The following CEP63 variants were observed in gnomAD, a reference collection of about 807,000 sequenced individuals.
CEP63 encodes the protein centrosomal protein of 63 kDa.
In CEP63, 84 loss-of-function variants were observed where a neutral mutation model predicts 89.1. The ratio of observed to expected loss-of-function variants is 0.94; its 90% confidence interval spans 0.79 to 1.13. The LOEUF (loss-of-function observed/expected upper bound fraction) is 1.13, where lower values mean the gene tolerates loss of function less well. Ranked by LOEUF, CEP63 falls within the 50% of genes most tolerant of loss-of-function variation. CEP63 has a pLI of 0.00. For synonymous variants in CEP63, 267 were observed against 272.5 expected, an observed-to-expected ratio of 0.98 and a Z score of 0.20; for missense variants, 838 against 813.3, an observed-to-expected ratio of 1.03 and a Z score of -0.37.
chr3:134,714,984 A>C, the CEP63 span, among the ~76,000 whole-genome samples: 1 of 152,210 alleles, frequency 6.6e-6, no homozygotes, highest in African/African-American at 2.4e-5. Context: ...TCCCAAACCC[A>C]GCTAGGGAGG....
chr3:134,645,407 T>G, the CEP63 span, among the ~76,000 whole-genome samples: 2 of 152,216 alleles, frequency 1.3e-5, no homozygotes, highest in South Asian at 4.1e-4. Context: ...CACCAGCACA[T>G]GCCATCAGCC....
chr3:134,646,566 G>T, the CEP63 span, among the ~76,000 whole-genome samples: 8 of 152,182 alleles, frequency 5.3e-5, no homozygotes, highest in Non-Finnish European at 8.8e-5. Flanking sequence ...ATGAGTGAAT[G>T]AATTCACTTT....
At chr3:134,696,834 C>A in the CEP63 span, among the ~76,000 whole-genome samples, 1 of 152,158 alleles carries the variant, frequency 6.6e-6, no homozygotes, top group Non-Finnish European at 1.5e-5. Flanking sequence ...ATGTGACATA[C>A]TTTATGTGTC....
chr3:134,647,873 G>A, the CEP63 span, among the ~76,000 whole-genome samples: 1 of 152,300 alleles, frequency 6.6e-6, no homozygotes, highest in Non-Finnish European at 1.5e-5. Context: ...CCCACTTTTA[G>A]AGTCTTGATA....
the CEP63 span, among the ~76,000 whole-genome samples, chr3:134,772,795 G>A: frequency 2.0e-5 from 3 of 152,154 alleles, no homozygotes; most frequent in Non-Finnish European, 4.4e-5. Context: ...CTGCTCCCAA[G>A]AGGAAGCAGA....
At chr3:134,722,817 TC>T in the CEP63 span, among the ~76,000 whole-genome samples, 1 of 152,194 alleles carries the variant, frequency 6.6e-6, no homozygotes, top group Non-Finnish European at 1.5e-5. Flanking sequence ...GATATTGTTA[TC>T]AGGGCACTAG....
intron 5 of CEP63, chr3:134,536,713 G>A (rs1429916327): frequency 4.1e-6 from 1 of 241,564 alleles, no homozygotes; most frequent in African/African-American, 2.3e-5. Context: ...GGTTACCAAG[G>A]GACTTATCTG....
At chr3:134,683,443 G>A in the CEP63 span, among the ~76,000 whole-genome samples, 1 of 152,038 alleles carries the variant, frequency 6.6e-6, no homozygotes, top group African/African-American at 2.4e-5. Flanking sequence ...AGCATGATTT[G>A]GTGTACATTA....
At chr3:134,693,851 C>T in the CEP63 span, among the ~76,000 whole-genome samples, 1 of 152,160 alleles carries the variant, frequency 6.6e-6, no homozygotes, top group Admixed American at 6.5e-5. Flanking sequence ...GACCGATTAC[C>T]GGGGGCCTGG....
At chr3:134,749,828 A>AGTTGAGT in the CEP63 span, among the ~76,000 whole-genome samples, 6 of 150,964 alleles carry the variant, frequency 4.0e-5, no homozygotes, top group African/African-American at 1.2e-4. Flanking sequence ...AGGCTAGGAG[A>AGTTGAGT]GTTGAGCAGA....
At chr3:134,689,396 A>C in the CEP63 span, among the ~76,000 whole-genome samples, 3 of 152,130 alleles carry the variant, frequency 2.0e-5, no homozygotes, top group African/African-American at 7.2e-5. Context: ...GAGTCCAAAA[A>C]CAGAGCTTCA....
At chr3:134,489,471 G>A (rs1274941808) in intron 1 of CEP63, among the ~76,000 whole-genome samples, 2 of 151,912 alleles carry the variant, frequency 1.3e-5, no homozygotes, top group African/African-American at 4.8e-5. Flanking sequence ...CTTTTTTTAT[G>A]ATGTTAACAT....
chr3:134,559,340 T>C lies in CEP63; in HGVS notation c.1864T>C (p.Ser622Pro). The change falls in exon 14 of 15, where the codon TCT becomes CCT. Residue 622 changes from serine to proline, a missense_variant. Physicochemically the swap from Ser to Pro is moderately conservative, Grantham distance 74. Transcript: ENST00000675561. ...LTSYSLCKTH[S>P]LPSALDTNEA... ...TTCCTACTCTCTATGTAAAACTCATTCTTTGCCTTCAGCGCTAGATACAAA... is the reference window on the plus strand; with the variant it reads ...TTCCTACTCTCTATGTAAAACTCATCCTTTGCCTTCAGCGCTAGATACAAA... The C allele has an allele frequency of 6.2e-7, 1 of 1,614,182 alleles. No individual in the cohort carries two copies. Among genetic ancestry groups the C allele is most frequent in the South Asian group, 1.1e-5 (1 of 91,086 alleles).
the CEP63 span, among the ~76,000 whole-genome samples, chr3:134,668,663 C>T: frequency 1.3e-5 from 2 of 152,314 alleles, no homozygotes; most frequent in South Asian, 2.1e-4. Context: ...GTGTCCAGTT[C>T]ACCCTCATGA....
chr3:134,625,247 T>C, the CEP63 span: 4 of 804,788 alleles, frequency 5.0e-6, no homozygotes, highest in East Asian at 1.1e-4. Context: ...TTAACACAAT[T>C]CTCAAAGCCT....
At position 134,519,425 on chromosome 3, in the gene CEP63, C is replaced by T. The variant is rs144652393; in HGVS notation, c.222+12139C>T. ...CTGGGATTACAGGCGTGAGCCACCACGCCCGGCTGAATTGAATTTGTTATT... is the reference window on the plus strand; with the variant it reads ...CTGGGATTACAGGCGTGAGCCACCATGCCCGGCTGAATTGAATTTGTTATT... On this transcript the variant is annotated intron_variant, in intron 3 of 14. Coordinates refer to ENST00000675561, the MANE Select transcript of CEP63 (RefSeq NM_001353108.3). 7.6e-3 allele frequency among the ~76,000 whole-genome samples: 1,157 copies of T among 152,188 alleles called. 17 individuals carry two copies. Among genetic ancestry groups the T allele is most frequent in the African/African-American group, 0.026 (1,099 of 41,530 alleles).
downstream of CEP63, among the ~76,000 whole-genome samples, chr3:134,567,621 G>C (rs1957836056): frequency 6.6e-6 from 1 of 152,194 alleles, no homozygotes; most frequent in East Asian, 1.9e-4. Flanking sequence ...TTCTTGGAGA[G>C]AGTGGATGTT....
chr3:134,547,328 T>C lies in CEP63; in HGVS notation c.930-7T>C, dbSNP rs1953615499. The C allele has an allele frequency of 6.2e-7, 1 of 1,612,528 alleles. No homozygotes were observed. ...GGCGTTAACAATCATCCTATGTCTTTCCATAGGCCACGGGAAGAATCTCTG... is the reference window on the plus strand; with the variant it reads ...GGCGTTAACAATCATCCTATGTCTTCCCATAGGCCACGGGAAGAATCTCTG... On this transcript the variant is annotated splice_region_variant and splice_polypyrimidine_tract_variant and intron_variant, in intron 8 of 14. Transcript: ENST00000675561.
downstream of CEP63, among the ~76,000 whole-genome samples, chr3:134,578,342 T>TGTTTG (rs1475873892): frequency 3.5e-4 from 52 of 148,748 alleles, 1 homozygote; most frequent in East Asian, 1.4e-3. Context: ...TTTTTTTTTT[T>TGTTTG]TTTTTGAGAT....
Sources: gnomAD v4.1 joint callset for allele counts (sites outside exome capture counted in the v4.1 genomes callset) on GRCh38, gnomAD v4.1.1 for gene constraint, MANE v1.5 for transcripts, NCBI Gene and HGNC (gene_info 2026-07-23, HGNC 2026-07-21) for gene names.